JAK1: variants seen among roughly 807,000 people sequenced by gnomAD.
JAK1 encodes the protein Janus kinase 1.
JAK1 carries 16 observed loss-of-function variants against 136.6 expected under a neutral mutation model. That is an observed-to-expected ratio of 0.12 (90% CI 0.08 to 0.18). JAK1 has a LOEUF of 0.18. Ranked by LOEUF, JAK1 falls within the 10% of genes least tolerant of loss-of-function variation. The pLI is 1.00. For missense variants in JAK1, 859 were observed against 1,450.1 expected (o/e 0.59, Z 6.62); for synonymous variants, 492 against 519.5 (o/e 0.95, Z 0.72).
chr1:64,988,883 TA>T (rs1646624769), intron 2 of JAK1, among the ~76,000 whole-genome samples: 1 of 150,064 alleles, frequency 6.7e-6, no homozygotes, highest in African/African-American at 2.4e-5. Flanking sequence ...AGTGAGCCCC[TA>T]ACTAAAATAA....
intron 10 of JAK1, among the ~76,000 whole-genome samples, chr1:64,857,411 C>T (rs1656008548): frequency 6.6e-6 from 1 of 152,184 alleles, no homozygotes; most frequent in African/African-American, 2.4e-5. Flanking sequence ...ATGGTGGACC[C>T]CCACCATGGG....
chr1:64,899,728 G>A (rs780835004), intron 1 of JAK1, among the ~76,000 whole-genome samples: 1 of 152,166 alleles, frequency 6.6e-6, no homozygotes, highest in Non-Finnish European at 1.5e-5. Context: ...CTGGTCTCAA[G>A]CATTTCAGAT....
At chr1:64,986,884 C>T (rs1290072176) in intron 2 of JAK1, among the ~76,000 whole-genome samples, 3 of 151,632 alleles carry the variant, frequency 2.0e-5, no homozygotes, top group Non-Finnish European at 4.4e-5. Flanking sequence ...AGCCACCCCC[C>T]ACCCAAAAAA....
intron 24 of JAK1, among the ~76,000 whole-genome samples, 189 bp downstream of exon 24, chr1:64,835,207 G>C (rs1570598467): frequency 6.6e-6 from 1 of 152,178 alleles, no homozygotes; most frequent in South Asian, 2.1e-4. Flanking sequence ...GAACCTAACT[G>C]GTGGCTATCA....
intron 1 of JAK1, among the ~76,000 whole-genome samples, chr1:64,927,360 C>T (rs181033296): frequency 5.9e-5 from 9 of 152,312 alleles, no homozygotes; most frequent in Middle Eastern, 3.4e-3. Flanking sequence ...GAAAGAACTG[C>T]GTCTGTCTTC....
intron 20 of JAK1, among the ~76,000 whole-genome samples, chr1:64,839,145 CAAAAAAAAAAAAA>C (rs56058898): frequency 1.7e-5 from 1 of 59,870 alleles, no homozygotes; most frequent in South Asian, 6.0e-4. Flanking sequence ...GACTCCGTCT[CAAAAAAAAAAAAA>C]AAAAAAAAAA....
chr1:64,885,703 G>A (rs564759466), intron 2 of JAK1, among the ~76,000 whole-genome samples: 28 of 150,324 alleles, frequency 1.9e-4, no homozygotes, highest in Middle Eastern at 6.9e-3. Context: ...GCCGCGAGCC[G>A]AGATCACACC....
intron 19 of JAK1, among the ~76,000 whole-genome samples, chr1:64,840,553 C>G (rs1654828974): frequency 6.6e-6 from 1 of 152,218 alleles, no homozygotes; most frequent in South Asian, 2.1e-4. Context: ...AAGAGCCTTA[C>G]AGGGCTGGGT....
At chr1:64,902,551 T>TGA (rs142393341) in intron 1 of JAK1, among the ~76,000 whole-genome samples, 35 of 102,432 alleles carry the variant, frequency 3.4e-4, no homozygotes, top group African/African-American at 1.4e-3. Flanking sequence ...CATGAATTTG[T>TGA]GAGAGAGAGA....
At chr1:64,912,422 A>C (rs185124278) in intron 1 of JAK1, among the ~76,000 whole-genome samples, 273 of 152,330 alleles carry the variant, frequency 1.8e-3, no homozygotes, top group Non-Finnish European at 2.6e-3. Context: ...ACAGGCAGTT[A>C]AGGGCATACA....
chr1:64,873,499 T>C lies in JAK1; in HGVS notation c.354A>G (p.Gly118=), dbSNP rs747778210. ...ACACTGACTGCTCATTGTCGTTGGT[T>C]CCATGCCAATTGGTGAAATAGAACC... The part of the protein sequence containing the change: ...RMRFYFTNWH[G]TNDNEQSVWR... The change falls in exon 5 of 25, where the codon GGA becomes GGG. Residue 118 remains glycine, a synonymous_variant. Transcript: ENST00000342505. The C allele has an allele frequency of 2.5e-6, 4 of 1,614,222 alleles. No individual in the cohort carries two copies. The highest frequency in any genetic ancestry group is 2.5e-6 in the Non-Finnish European group (3 of 1,180,032).
At chr1:64,899,946 G>T (rs1029132298) in intron 1 of JAK1, among the ~76,000 whole-genome samples, 10 of 152,176 alleles carry the variant, frequency 6.6e-5, no homozygotes, top group Non-Finnish European at 1.2e-4. Flanking sequence ...AAAATGGATG[G>T]GGAGGACATT....
In JAK1 at chr1:64,845,379, AAC is replaced by A. The variant is rs1479489198; in HGVS notation, c.2115+132_2115+133del. The A allele has an allele frequency of 9.9e-6, 10 of 1,006,186 alleles. No homozygotes were observed. The African/African-American group carries it at 1.6e-4, about 16-fold the overall frequency. The allele number at this position is 1,006,186 out of a possible 1,614,324, so 62.3% of individuals were successfully genotyped here. A position where few individuals can be genotyped will look rare whatever the true frequency, so the allele number is the denominator to read the frequency against. The stretch of plus-strand genomic sequence containing the variant: ...GTAAGCACCAGGCACACCTTTGTTC[AAC>A]CACAGAGCCCTGGCCCCATGGAACC... On this transcript the variant is annotated intron_variant, in intron 15 of 24. Transcript: ENST00000342505.
At chr1:64,981,304 G>A (rs557060003) in intron 2 of JAK1, among the ~76,000 whole-genome samples, 3 of 152,194 alleles carry the variant, frequency 2.0e-5, no homozygotes, top group Admixed American at 6.5e-5. Flanking sequence ...CCTTGGAAAC[G>A]TGTCTTTTAA....
At chr1:65,053,394 G>GTATGAATAGAATGCACCTGTAAA (rs564272312) in intron 1 of JAK1, among the ~76,000 whole-genome samples, 3 of 152,124 alleles carry the variant, frequency 2.0e-5, no homozygotes, top group Non-Finnish European at 2.9e-5. Flanking sequence ...TGAAGACAAA[G>GTATGAATAGAATGCACCTGTAAA]TATGAATAGA....
intron 1 of JAK1, among the ~76,000 whole-genome samples, chr1:64,949,369 T>G (rs944134365): frequency 6.6e-6 from 1 of 152,176 alleles, no homozygotes; most frequent in African/African-American, 2.4e-5. Flanking sequence ...CTACTCCTAT[T>G]AGTCATGCAA....
At chr1:64,933,732 T>G (rs1470231610) in intron 1 of JAK1, among the ~76,000 whole-genome samples, 2 of 152,126 alleles carry the variant, frequency 1.3e-5, no homozygotes, top group African/African-American at 4.8e-5. Context: ...AGATGTAGCG[T>G]ATAAAAAGGG....
intron 1 of JAK1, among the ~76,000 whole-genome samples, chr1:64,957,928 A>T (rs561655788): frequency 3.5e-4 from 49 of 138,366 alleles, no homozygotes; most frequent in Non-Finnish European, 5.7e-4. Context: ...TGGGCGAAAG[A>T]GCGAGACTCC....
At chr1:65,045,272 A>G (rs1453852071) in intron 1 of JAK1, among the ~76,000 whole-genome samples, 1 of 152,232 alleles carries the variant, frequency 6.6e-6, no homozygotes, top group African/African-American at 2.4e-5. Context: ...CCAAGCATAT[A>G]GCAAGTCTAA....
Sources: allele counts gnomAD v4.1 joint callset (sites outside exome capture counted in the v4.1 genomes callset), GRCh38; gene constraint gnomAD v4.1.1; transcripts MANE v1.5; gene names NCBI Gene and HGNC (gene_info 2026-07-23, HGNC 2026-07-21).